The following ABCG8 variants were observed in gnomAD, a reference collection of about 807,000 sequenced individuals.
ABCG8 encodes ATP binding cassette subfamily G member 8.
Under a neutral mutation model 71.3 loss-of-function variants are expected in ABCG8, and 81 were observed. That is an observed-to-expected ratio of 1.14 (90% CI 0.95 to 1.37). The LOEUF is 1.37. Among genes scored for constraint, ABCG8 ranks in the 40% most tolerant of loss-of-function variants. ABCG8 has a pLI of 0.00. For synonymous variants in ABCG8, 451 were observed against 354.7 expected (o/e 1.27, Z -3.05); for missense variants, 1,119 against 866.2 (o/e 1.29, Z -3.66).
In ABCG8 at chr2:43,882,453, G is replaced by C. The variant is rs571271741; in HGVS notation, c.*4540G>C. ...AAACAGGCCCTGAGGAAGCGTGCAA[G>C]GAACTGGAATGCGGGGAAAGTGATG... On this transcript the variant is annotated 3_prime_UTR_variant, in exon 13 of 13. Coordinates refer to ENST00000272286, the MANE Select transcript of ABCG8 (RefSeq NM_022437.3). 6.6e-6 allele frequency: 1 copy of C among 152,370 alleles called. No individual in the cohort carries two copies. Among genetic ancestry groups the C allele is most frequent in the Admixed American group, 6.5e-5 (1 of 15,304 alleles). 9.4% of individuals were successfully genotyped at this position (152,370 alleles called of 1,614,324 possible). A position where few individuals can be genotyped will look rare whatever the true frequency, so the allele number is the denominator to read the frequency against.
intron 6 of ABCG8, among the ~76,000 whole-genome samples, chr2:43,858,138 A>G (rs1669177821): frequency 1.3e-5 from 2 of 151,574 alleles, no homozygotes; most frequent in Admixed American, 6.6e-5. Flanking sequence ...CAACATCTAG[A>G]TAGAACTCTC....
chr2:43,866,462 T>C (rs1413241016), intron 6 of ABCG8, among the ~76,000 whole-genome samples: 2 of 152,102 alleles, frequency 1.3e-5, no homozygotes, highest in East Asian at 3.9e-4. Flanking sequence ...AAAGGGCTAA[T>C]ATCCAGAATC....
At position 43,881,727 on chromosome 2, in the gene ABCG8, C is replaced by CAAAAA. The variant is rs1670136993; in HGVS notation, c.*3814_*3815insAAAAA. On this transcript the variant is annotated 3_prime_UTR_variant, in exon 13 of 13. Transcript: ENST00000272286. The stretch of plus-strand genomic sequence containing the variant: ...TGTCTCAAAAAAAAAAAAAAAAAAC[C>CAAAAA]CAAGGCTCTCGAGGCATGCATGCTG... 4 of 121,458 alleles carry CAAAAA rather than the reference C, an allele frequency of 3.3e-5. No homozygotes were observed. The highest frequency in any genetic ancestry group is 5.4e-5 in the Non-Finnish European group (3 of 55,476). The allele number at this position is 121,458 out of a possible 1,614,324, so 7.5% of individuals were successfully genotyped here. A position where few individuals can be genotyped will look rare whatever the true frequency, so the allele number is the denominator to read the frequency against.
chr2:43,850,169 C>G (rs1326581712), intron 3 of ABCG8, among the ~76,000 whole-genome samples: 1 of 152,002 alleles, frequency 6.6e-6, no homozygotes, highest in African/African-American at 2.4e-5. Context: ...GGCTGCAGTG[C>G]TCCAGCCTGG....
chr2:43,866,497 A>G (rs1047176997), intron 6 of ABCG8, among the ~76,000 whole-genome samples: 6 of 152,116 alleles, frequency 3.9e-5, no homozygotes, highest in African/African-American at 1.4e-4. Flanking sequence ...ACAAATTTAC[A>G]AGAAAAAAAC....
chr2:43,846,456 G>C (rs1369995377), intron 3 of ABCG8, 145 bp downstream of exon 3: 1 of 1,224,466 alleles, frequency 8.2e-7, no homozygotes, highest in East Asian at 2.6e-5. Flanking sequence ...TTCTGGGTCA[G>C]ACAGACCTGG....
rs1558811634 is a variant in ABCG8 at position 43,852,672 on chromosome 2, C to T, written c.768C>T (p.Ser256=). 1.2e-6 allele frequency: 2 copies of T among 1,614,212 alleles called. No homozygotes were observed. Among genetic ancestry groups the T allele is most frequent in the Non-Finnish European group, 1.7e-6 (2 of 1,180,032 alleles). The change falls in exon 6 of 13, where the codon TCC becomes TCT. Residue 256 remains serine, a synonymous_variant. Transcript: ENST00000272286. ...CCCACAACCTGGTGAAGACCTTGTC[C>T]AGGCTGGCCAAAGGCAACCGGCTGG... The part of the protein sequence containing the change: ...FTAHNLVKTL[S]RLAKGNRLVL...
In ABCG8 at chr2:43,873,732, G is replaced by A. The variant is rs4245795; in HGVS notation, c.1212-55G>A. The A allele has an allele frequency of 0.075, 118,058 of 1,575,270 alleles. 5,475 individuals are homozygous for A. Among genetic ancestry groups the A allele is most frequent in the African/African-American group, 0.17 (12,580 of 74,104 alleles). ...TTATGGAGACTGTGACATTCCCAGG[G>A]TCACGGGGCTGGTGTATGCTGTTGC... On this transcript the variant is annotated intron_variant, in intron 8 of 12. Coordinates refer to ENST00000272286, the MANE Select transcript of ABCG8 (RefSeq NM_022437.3).
intron 6 of ABCG8, among the ~76,000 whole-genome samples, chr2:43,864,973 T>C (rs369521713): frequency 6.6e-6 from 1 of 152,122 alleles, no homozygotes; most frequent in African/African-American, 2.4e-5. Context: ...ACTCTGTGGA[T>C]AGAACTCTGA....
chr2:43,875,018 C>T, intron 10 of ABCG8, 128 bp from the exon 11 acceptor site: 2 of 1,362,984 alleles, frequency 1.5e-6, no homozygotes, highest in South Asian at 1.3e-5. Flanking sequence ...CCAGCACACC[C>T]TCCTGCCACA....
chr2:43,859,631 A>G (rs1490331271), intron 6 of ABCG8, among the ~76,000 whole-genome samples: 1 of 150,888 alleles, frequency 6.6e-6, no homozygotes, highest in Non-Finnish European at 1.5e-5. Context: ...AACTCTCACT[A>G]TCTAGAAGGA....
At position 43,872,104 on chromosome 2, in the gene ABCG8, A is replaced by G. The variant is rs114404835; in HGVS notation, c.1093A>G (p.Thr365Ala). ...AGATGACTTTCTATGGAAAGCAGAG[A>G]CGAAGGATCTTGACGAGGACACCTG... Reference protein sequence around the residue: ...DLDDFLWKAETKDLDEDTCVE... With the variant: ...DLDDFLWKAEAKDLDEDTCVE... The change falls in exon 7 of 13, where the codon ACG becomes GCG. Residue 365 changes from threonine (T) to alanine (A), a missense_variant. Physicochemically the swap from Thr to Ala is moderately conservative, Grantham distance 58. Coordinates refer to ENST00000272286, the MANE Select transcript of ABCG8 (RefSeq NM_022437.3). 279 of 1,614,142 alleles carry G rather than the reference A, an allele frequency of 1.7e-4. 1 individual carries two copies. In the African/African-American group the frequency reaches 3.3e-3, roughly 19 times the overall value.
intron 1 of ABCG8, among the ~76,000 whole-genome samples, chr2:43,839,711 C>T (rs963011930): frequency 8.6e-5 from 13 of 152,042 alleles, no homozygotes; most frequent in Admixed American, 4.6e-4. Context: ...CATGAGCCAC[C>T]GTGCCTGGCC....
At chr2:43,839,187 C>A (rs1342005397) in intron 1 of ABCG8, 71 bp downstream of exon 1, 2 of 1,490,856 alleles carry the variant, frequency 1.3e-6, no homozygotes, top group Non-Finnish European at 1.8e-6. Flanking sequence ...TCTCTCTTCC[C>A]TCAGGAGCCT....
Position 43,877,619 on chromosome 2 carries a change from G to T in ABCG8, c.1815G>T (p.Lys605Asn). Residue 605 changes from lysine to asparagine, a missense_variant, in exon 12 of 13, where the codon AAG (lysine) becomes AAT (asparagine). Transcript: ENST00000272286. ...GGTGGTGTTTTGAAGGGCTGATGAA[G>T]ATTCAGTTCAGCAGAAGAACTTATA... ...FLRWCFEGLM[K>N]IQFSRRTYKM... is the part of the protein sequence containing the mutation. The T allele has an allele frequency of 6.2e-7, 1 of 1,614,152 alleles. No homozygotes were observed. The highest frequency in any genetic ancestry group is 1.1e-5 in the South Asian group (1 of 91,076).
At position 43,852,492 on chromosome 2, in the gene ABCG8, G is replaced by C. The variant is rs1157617997; in HGVS notation, c.694+6G>C. Reference sequence around the variant, plus strand: ...GCAGCTCCTGTGGAACCCAGGTGAGGGCCTGGGGGGCAGATGGGGGCAGAG... The same window carrying C: ...GCAGCTCCTGTGGAACCCAGGTGAGCGCCTGGGGGGCAGATGGGGGCAGAG... On this transcript the variant is annotated splice_donor_region_variant and intron_variant, in intron 5 of 12. Transcript: ENST00000272286. The C allele has an allele frequency of 6.2e-7, 1 of 1,613,224 alleles. No homozygotes were observed. Among genetic ancestry groups the C allele is most frequent in the East Asian group, 2.2e-5 (1 of 44,874 alleles).
chr2:43,841,152 C>T (rs10179921), intron 1 of ABCG8, among the ~76,000 whole-genome samples: 5,794 of 152,280 alleles, frequency 0.038, 156 homozygotes, highest in Non-Finnish European at 0.054. Flanking sequence ...TCTTGCCAAC[C>T]CTCCAGCCGT....
rs764929713 is a variant in ABCG8, at chr2:43,851,591, G to T, written c.330G>T (p.Gly110=). The part of the protein sequence containing the change: ...MLAIIGSSGC[G]RASLLDVITG... ...TCCCTGGTGGCTTTGCAGGTTGTGGGAGAGCCTCCTTGCTAGATGTGATCA... is the reference window on the plus strand; with the variant it reads ...TCCCTGGTGGCTTTGCAGGTTGTGGTAGAGCCTCCTTGCTAGATGTGATCA... Residue 110 remains glycine, a synonymous_variant, in exon 4 of 13, where the codon GGG becomes GGT. Transcript: ENST00000272286. 1.2e-6 allele frequency: 2 copies of T among 1,614,224 alleles called. No homozygotes were observed. The highest frequency in any genetic ancestry group is 1.1e-5 in the South Asian group (1 of 91,072).
intron 9 of ABCG8, 119 bp downstream of exon 9, chr2:43,874,105 G>A (rs1474656545): frequency 2.1e-5 from 23 of 1,120,532 alleles, no homozygotes; most frequent in Non-Finnish European, 3.1e-5. Flanking sequence ...AGACAATAAT[G>A]TTTTTAAAGT....
Sources: allele counts gnomAD v4.1 joint callset (sites outside exome capture counted in the v4.1 genomes callset), GRCh38; gene constraint gnomAD v4.1.1; transcripts MANE v1.5; gene names NCBI Gene and HGNC (gene_info 2026-07-23, HGNC 2026-07-21).